BCAS3: variants seen among roughly 807,000 people sequenced by gnomAD.
The protein encoded by BCAS3 is BCAS3 microtubule associated cell migration factor, also known as BCAS4/BCAS3 fusion.
A neutral mutation model predicts 116.1 loss-of-function variants in BCAS3; 53 were observed. The observed-to-expected ratio is 0.46, with a 90% CI of 0.37 to 0.57. BCAS3 has a LOEUF of 0.57. BCAS3 is among the 20% of genes least tolerant of loss of function. The probability of loss-of-function intolerance (pLI) is 0.00; values close to 1 mark genes in which losing one functional copy is unlikely to be tolerated. For synonymous variants in BCAS3, 391 were observed against 408.2 expected (o/e 0.96, Z 0.51); for missense variants, 917 against 1,165.4 (o/e 0.79, Z 3.10).
rs1476402267 is a variant in BCAS3, at chr17:61,276,047, G to A, written c.2426-92280G>A. Among the ~76,000 whole-genome samples, 1 of 152,138 alleles carries A rather than the reference G, an allele frequency of 6.6e-6. No individual in the cohort carries two copies. Among genetic ancestry groups the A allele is most frequent in the Non-Finnish European group, 1.5e-5 (1 of 68,016 alleles). ...TGCAAGGTTGTAGGATATACTATCA[G>A]TATATAAAAATCACTTGTGTTGGCC... On this transcript the variant is annotated intron_variant, in intron 22 of 23. Transcript: ENST00000407086. The surrounding 1 kb of genome is among the most constrained non-coding windows in gnomAD (Gnocchi z 4.2).
At chr17:60,725,865 G>T (rs573092133) in intron 5 of BCAS3, among the ~76,000 whole-genome samples, 1 of 152,126 alleles carries the variant, frequency 6.6e-6, no homozygotes, top group South Asian at 2.1e-4. Context: ...TTTAATCCAG[G>T]ATCAGACCTG....
chr17:61,269,928 T>C (rs1234028346), intron 22 of BCAS3, among the ~76,000 whole-genome samples: 1 of 151,512 alleles, frequency 6.6e-6, no homozygotes, highest in Admixed American at 6.6e-5. Flanking sequence ...CTCAGTCCCC[T>C]AGGTAGCTGA....
At chr17:60,932,537 C>G (rs2059703539) in intron 13 of BCAS3, among the ~76,000 whole-genome samples, 1 of 151,102 alleles carries the variant, frequency 6.6e-6, no homozygotes, top group Non-Finnish European at 1.5e-5. Flanking sequence ...GTCAGGAGAT[C>G]GAGACCATCC....
At chr17:61,218,995 A>G (rs1337327048) in intron 22 of BCAS3, among the ~76,000 whole-genome samples, 1 of 152,220 alleles carries the variant, frequency 6.6e-6, no homozygotes, top group African/African-American at 2.4e-5. Flanking sequence ...TTTCAACACA[A>G]GTAGTGTCAC....
intron 7 of BCAS3, among the ~76,000 whole-genome samples, chr17:60,862,755 C>G (rs1274119545): frequency 6.6e-6 from 1 of 152,170 alleles, no homozygotes; most frequent in East Asian, 1.9e-4. Flanking sequence ...CCTGCCTCAG[C>G]CTTCCTAGTA....
At chr17:61,071,862 G>C (rs2071461574) in intron 19 of BCAS3, among the ~76,000 whole-genome samples, 1 of 152,002 alleles carries the variant, frequency 6.6e-6, no homozygotes, top group Admixed American at 6.6e-5. Context: ...AAATTATTTG[G>C]ATTATAGTTA....
intron 22 of BCAS3, among the ~76,000 whole-genome samples, chr17:61,129,876 C>T (rs75174935): frequency 6.6e-6 from 1 of 152,228 alleles, no homozygotes; most frequent in African/African-American, 2.4e-5. Context: ...TAATTTCTCA[C>T]AGCAGATCAT....
Position 61,098,037 on chromosome 17 carries a change from GA to G in BCAS3, c.2425+13474del, listed in dbSNP as rs1249533587. On this transcript the variant is annotated intron_variant, in intron 22 of 23. Transcript: ENST00000407086. The surrounding 1 kb of genome is among the most constrained non-coding windows in gnomAD (Gnocchi z 4.2). ...GCTTTAGGCAACAACTGACAGGCCT[GA>G]CTGGTCATTGGCTTTCCATTCCTGG... 2.0e-5 allele frequency among the ~76,000 whole-genome samples: 3 copies of G among 152,206 alleles called. No individual in the cohort carries two copies. The South Asian group carries it at 6.2e-4, about 32-fold the overall frequency.
At chr17:61,158,031 CCTT>C (rs1205855151) in intron 22 of BCAS3, among the ~76,000 whole-genome samples, 1 of 152,128 alleles carries the variant, frequency 6.6e-6, no homozygotes, top group Non-Finnish European at 1.5e-5. Flanking sequence ...GTTTGCTTCT[CCTT>C]CCTATATGCA....
intron 11 of BCAS3, among the ~76,000 whole-genome samples, chr17:60,908,698 G>A (rs892532787): frequency 6.6e-6 from 1 of 152,156 alleles, no homozygotes; most frequent in South Asian, 2.1e-4. Flanking sequence ...ATAATCGCGG[G>A]AGTTTGAGTT....
rs1434820575 is a variant in BCAS3, at chr17:61,034,130, T to A, written c.1638-536T>A. Among the ~76,000 whole-genome samples the A allele has an allele frequency of 6.6e-6, 1 of 152,240 alleles. No homozygotes were observed. The highest frequency in any genetic ancestry group is 2.4e-5 in the African/African-American group (1 of 41,468). On this transcript the variant is annotated intron_variant, in intron 16 of 23. Coordinates refer to ENST00000407086, the MANE Select transcript of BCAS3 (RefSeq NM_017679.5). This position sits in a 1 kb window ranked among gnomAD's most constrained non-coding sequence, Gnocchi z 5.0. ...TTCCCTTGCACTGTCTAACTCTCCATAGCATTGTGGCCGAGAGAGCATTTT... is the reference window on the plus strand; with the variant it reads ...TTCCCTTGCACTGTCTAACTCTCCAAAGCATTGTGGCCGAGAGAGCATTTT...
chr17:60,843,090 T>C (rs1028264174), intron 7 of BCAS3, among the ~76,000 whole-genome samples: 6 of 140,356 alleles, frequency 4.3e-5, no homozygotes, highest in Non-Finnish European at 7.6e-5. Flanking sequence ...CTAAGGCTGA[T>C]TTTTATTTTT....
intron 9 of BCAS3, among the ~76,000 whole-genome samples, chr17:60,885,293 C>T (rs1483769043): frequency 1.3e-4 from 2 of 15,840 alleles, no homozygotes; most frequent in African/African-American, 3.7e-4. Context: ...TTTCCATTTG[C>T]TTGGTAGATC....
At position 60,783,551 on chromosome 17, in the gene BCAS3, G is replaced by A. The variant is rs565043373; in HGVS notation, c.404-24453G>A. On this transcript the variant is annotated intron_variant, in intron 6 of 23. Transcript: ENST00000407086. ...GGTAGACTATGTCTGTGTGTGGCAG[G>A]GGCTATGTGAGAGATCTCTGTACTT... 3.8e-3 allele frequency among the ~76,000 whole-genome samples: 586 copies of A among 152,220 alleles called. 2 individuals are homozygous for A. The highest frequency in any genetic ancestry group is 6.2e-3 in the Non-Finnish European group (422 of 68,010).
chr17:60,843,745 A>G (rs1358513952), intron 7 of BCAS3, among the ~76,000 whole-genome samples: 2 of 152,192 alleles, frequency 1.3e-5, no homozygotes, highest in African/African-American at 4.8e-5. Context: ...GGCTGTATGG[A>G]CAGTGTTGCA....
rs2078199978 is a variant in BCAS3, at chr17:61,162,061, T to G, written c.2425+77497T>G. Reference sequence around the variant, plus strand: ...TTTATAGGCTGGTTGTAGATTTGGTTGATAGAATATAAAGTTTGATCTGTA... The same window carrying G: ...TTTATAGGCTGGTTGTAGATTTGGTGGATAGAATATAAAGTTTGATCTGTA... On this transcript the variant is annotated intron_variant, in intron 22 of 23. Transcript: ENST00000407086. This position sits in a 1 kb window ranked among gnomAD's most constrained non-coding sequence, Gnocchi z 5.6. 6.6e-6 allele frequency among the ~76,000 whole-genome samples: 1 copy of G among 152,206 alleles called. No individual in the cohort carries two copies. The highest frequency in any genetic ancestry group is 2.4e-5 in the African/African-American group (1 of 41,444).
chr17:60,769,265 G>A (rs1420333723), intron 6 of BCAS3, among the ~76,000 whole-genome samples: 1 of 152,174 alleles, frequency 6.6e-6, no homozygotes, highest in African/African-American at 2.4e-5. Context: ...GCCCACTGGT[G>A]GAATGCTCAG....
intron 7 of BCAS3, among the ~76,000 whole-genome samples, chr17:60,858,807 A>C (rs2053904884): frequency 6.6e-6 from 1 of 152,172 alleles, no homozygotes; most frequent in African/African-American, 2.4e-5. Context: ...GGTATCCATT[A>C]GTGGTTTCAA....
Position 61,251,395 on chromosome 17 carries a change from C to A in BCAS3, c.2426-116932C>A, listed in dbSNP as rs1387984964. On this transcript the variant is annotated intron_variant, in intron 22 of 23. Coordinates refer to ENST00000407086, the MANE Select transcript of BCAS3 (RefSeq NM_017679.5). This position sits in a 1 kb window ranked among gnomAD's most constrained non-coding sequence, Gnocchi z 4.7. ...ACCATCCTGGCCAATATGGCGAAAC[C>A]CCGTCTCTACTAAAAATACAAAAAA... is the stretch of plus-strand genomic sequence containing the variant. Among the ~76,000 whole-genome samples the A allele has an allele frequency of 6.6e-6, 1 of 151,996 alleles. No homozygotes were observed. Among genetic ancestry groups the A allele is most frequent in the East Asian group, 1.9e-4 (1 of 5,180 alleles).
Sources: allele counts gnomAD v4.1 joint callset (sites outside exome capture counted in the v4.1 genomes callset), GRCh38; gene constraint gnomAD v4.1.1; non-coding constraint Gnocchi (gnomAD v3.1); transcripts MANE v1.5; gene names NCBI Gene and HGNC (gene_info 2026-07-23, HGNC 2026-07-21).